Variants in SLC6A2 observed in about 807,000 individuals in gnomAD.
SLC6A2 encodes the protein sodium-dependent noradrenaline transporter.
Under a neutral mutation model 71.7 loss-of-function variants are expected in SLC6A2, and 26 were observed. That is an observed-to-expected ratio of 0.36 (90% CI 0.27 to 0.50). The LOEUF is 0.50. Ranked by LOEUF, SLC6A2 falls within the 20% of genes least tolerant of loss-of-function variation. SLC6A2 has a pLI of 0.96. For synonymous variants in SLC6A2, 363 were observed against 337.9 expected, an observed-to-expected ratio of 1.07 and a Z score of -0.82; for missense variants, 581 against 803.9, an observed-to-expected ratio of 0.72 and a Z score of 3.35.
chr16:55,689,337 A>G (rs1470152397), intron 5 of SLC6A2, among the ~76,000 whole-genome samples: 4 of 152,268 alleles, frequency 2.6e-5, no homozygotes, highest in Non-Finnish European at 5.9e-5. Flanking sequence ...ACATGGGCAC[A>G]GACAAAACAA....
chr16:55,694,205 C>G (rs1458994514), intron 7 of SLC6A2, 92 bp downstream of exon 7: 2 of 962,240 alleles, frequency 2.1e-6, no homozygotes, highest in African/African-American at 1.6e-5. Context: ...GAAGCCAACT[C>G]TCCCTGGGCA....
At chr16:55,672,488 C>A (rs1964954076) in intron 4 of SLC6A2, among the ~76,000 whole-genome samples, 2 of 152,136 alleles carry the variant, frequency 1.3e-5, no homozygotes, top group Non-Finnish European at 2.9e-5. Context: ...TATGTAACTG[C>A]TCTTAAAGAA....
chr16:55,693,978 A>G (rs749117428), intron 6 of SLC6A2, 32 bp from the exon 7 acceptor site: 26 of 1,403,302 alleles, frequency 1.9e-5, no homozygotes, highest in Non-Finnish European at 2.3e-5. Context: ...TGTAGGAAGC[A>G]GAGGCTGATG....
chr16:55,676,476 G>T lies in SLC6A2; in HGVS notation c.644+4301G>T, dbSNP rs886322931. The stretch of plus-strand genomic sequence containing the variant: ...TATTACTGCACAGAGCCAAGATTTG[G>T]ACCCAGCCAGTGTGCATTTGCAAAA... On this transcript the variant is annotated intron_variant, in intron 4 of 14. Coordinates refer to ENST00000568943, the MANE Select transcript of SLC6A2 (RefSeq NM_001172501.3). Among the ~76,000 whole-genome samples, 6 of 152,146 alleles carry T rather than the reference G, an allele frequency of 3.9e-5. 1 individual carries two copies. The South Asian group carries it at 1.2e-3, about 32-fold the overall frequency.
At position 55,696,272 on chromosome 16, in the gene SLC6A2, T is replaced by C. The variant is rs747367200; in HGVS notation, c.1195T>C (p.Ser399Pro). The C allele has an allele frequency of 1.2e-6, 2 of 1,613,966 alleles. No homozygotes were observed. Among genetic ancestry groups the C allele is most frequent in the Non-Finnish European group, 1.7e-6 (2 of 1,179,906 alleles). The change falls in exon 9 of 15, where the codon TCT (serine) becomes CCT (proline). Residue 399 changes from serine (S) to proline (P), a missense_variant. Ser to Pro is a moderately conservative substitution (Grantham distance 74, BLOSUM62 -1). Around this residue, in one of 5 missense-constraint regions of SLC6A2, gnomAD observed 334 missense variants for 449.0 expected, o/e 0.74. Coordinates refer to ENST00000568943, the MANE Select transcript of SLC6A2 (RefSeq NM_001172501.3). ...ILYPEAISTL[S>P]GSTFWAVVFF... is the part of the protein sequence containing the mutation. ...GTATCCAGAGGCCATTTCTACCCTG[T>C]CTGGATCTACATTCTGGGCTGTTGT...
At chr16:55,659,382 G>T (rs1426179033) in intron 2 of SLC6A2, among the ~76,000 whole-genome samples, 1 of 152,192 alleles carries the variant, frequency 6.6e-6, no homozygotes, top group Admixed American at 6.5e-5. Flanking sequence ...GTTGTATGCA[G>T]TGTACTATAA....
chr16:55,663,443 A>G (rs934098617), intron 2 of SLC6A2, among the ~76,000 whole-genome samples: 1 of 152,110 alleles, frequency 6.6e-6, no homozygotes, highest in African/African-American at 2.4e-5. Context: ...AGAGGCCCCC[A>G]CCAGATACAG....
intron 5 of SLC6A2, among the ~76,000 whole-genome samples, chr16:55,691,136 G>A (rs555401535): frequency 4.0e-5 from 6 of 150,598 alleles, no homozygotes; most frequent in African/African-American, 1.5e-4. Context: ...AAACATAAGG[G>A]AGAGAGTGGA....
intron 4 of SLC6A2, among the ~76,000 whole-genome samples, chr16:55,683,261 A>G (rs944310125): frequency 6.6e-6 from 1 of 152,088 alleles, no homozygotes; most frequent in Non-Finnish European, 1.5e-5. Context: ...TTCATTGTAG[A>G]TTGTACAAGG....
intron 5 of SLC6A2, among the ~76,000 whole-genome samples, chr16:55,689,144 T>A (rs547585480): frequency 1.1e-3 from 166 of 152,284 alleles, no homozygotes; most frequent in Non-Finnish European, 2.1e-3. Flanking sequence ...GGGGTGGAGA[T>A]GACAGAGCCC....
At position 55,691,585 on chromosome 16, in the gene SLC6A2, T is replaced by G. The variant is rs190932542; in HGVS notation, c.784-333T>G. Among the ~76,000 whole-genome samples the G allele has an allele frequency of 2.4e-3, 357 of 151,912 alleles. 1 individual carries two copies. Among genetic ancestry groups the G allele is most frequent in the African/African-American group, 8.3e-3 (345 of 41,438 alleles). On this transcript the variant is annotated intron_variant, in intron 5 of 14. Transcript: ENST00000568943. ...AGTCAGGAGTCTTTCCTTGAAGGAG[T>G]CAGGAGAGGTGGCTTTGTAGATGAG...
At chr16:55,683,301 T>C (rs1965337586) in intron 4 of SLC6A2, among the ~76,000 whole-genome samples, 1 of 152,122 alleles carries the variant, frequency 6.6e-6, no homozygotes, top group Admixed American at 6.5e-5. Context: ...CACCTTGGAT[T>C]GTTTGTTTTT....
Position 55,656,535 on chromosome 16 carries a change from C to A in SLC6A2, c.-51-109C>A. ...CGCCCTTTTCTGGGAACCCTGCGTC[C>A]GCTCAGCGCGCGCTCATCCCAGTGT... is the stretch of plus-strand genomic sequence containing the variant. On this transcript the variant is annotated intron_variant, in intron 1 of 14. Transcript: ENST00000568943. The surrounding 1 kb of genome is among the most constrained non-coding windows in gnomAD (Gnocchi z 4.5). The A allele has an allele frequency of 1.1e-6, 1 of 879,828 alleles. No homozygotes were observed. The highest frequency in any genetic ancestry group is 1.8e-6 in the Non-Finnish European group (1 of 550,602). 54.5% of individuals were successfully genotyped at this position (879,828 alleles called of 1,614,324 possible).
chr16:55,671,626 C>T (rs1474774622), intron 3 of SLC6A2: 19 of 540,060 alleles, frequency 3.5e-5, no homozygotes, highest in African/African-American at 2.8e-4. Context: ...ACTAGATTCT[C>T]ATAGGAGCGC....
rs766935416 is a variant in SLC6A2, at chr16:55,698,583, G to T, written c.1489+15G>T. 1.3e-6 allele frequency: 2 copies of T among 1,570,234 alleles called. No individual in the cohort carries two copies. Among genetic ancestry groups the T allele is most frequent in the African/African-American group, 2.7e-5 (2 of 74,138 alleles). On this transcript the variant is annotated intron_variant, in intron 11 of 14. Coordinates refer to ENST00000568943, the MANE Select transcript of SLC6A2 (RefSeq NM_001172501.3). The stretch of plus-strand genomic sequence containing the variant: ...CTGGTTTTATGGTATGTGAGTGTGT[G>T]GAAAAGCCTCAGCTCCCAGTCCTCC...
At chr16:55,685,113 C>A in intron 4 of SLC6A2, 30 bp from the exon 5 acceptor site, 1 of 1,613,506 alleles carries the variant, frequency 6.2e-7, no homozygotes, top group Non-Finnish European at 8.5e-7. Context: ...ACGACATTTA[C>A]CCTGGTCCCC....
chr16:55,691,559 G>C (rs1188989590), intron 5 of SLC6A2, among the ~76,000 whole-genome samples: 4 of 152,160 alleles, frequency 2.6e-5, no homozygotes, highest in African/African-American at 9.7e-5. Flanking sequence ...TCATTTTATG[G>C]AGTCAGGAGT....
intron 8 of SLC6A2, among the ~76,000 whole-genome samples, chr16:55,695,713 G>T (rs1334127078): frequency 6.6e-6 from 1 of 152,176 alleles, no homozygotes; most frequent in Non-Finnish European, 1.5e-5. Context: ...AGGCTGCCGG[G>T]CAAGTGTCAA....
At chr16:55,673,916 C>T (rs1965001119) in intron 4 of SLC6A2, among the ~76,000 whole-genome samples, 1 of 152,166 alleles carries the variant, frequency 6.6e-6, no homozygotes, top group East Asian at 1.9e-4. Flanking sequence ...TGTCCCTTCT[C>T]CCCTGTTTAT....
Sources: allele counts gnomAD v4.1 joint callset (sites outside exome capture counted in the v4.1 genomes callset), GRCh38; gene constraint gnomAD v4.1.1; regional missense constraint gnomAD v4.1.1; non-coding constraint Gnocchi (gnomAD v3.1); transcripts MANE v1.5; gene names NCBI Gene and HGNC (gene_info 2026-07-23, HGNC 2026-07-21).